CTR9: variants seen among roughly 807,000 people sequenced by gnomAD.
CTR9 encodes RNA polymerase-associated protein CTR9 homolog.
CTR9 carries 41 observed loss-of-function variants against 152.1 expected under a neutral mutation model. The ratio of observed to expected loss-of-function variants is 0.27; its 90% CI spans 0.21 to 0.35. The LOEUF (loss-of-function observed/expected upper bound fraction) is 0.35. CTR9 is among the 10% of genes least tolerant of loss of function. The probability of loss-of-function intolerance (pLI) is 1.00; values close to 1 mark genes in which losing one functional copy is unlikely to be tolerated. For missense variants in CTR9, 917 were observed against 1,424.4 expected, an observed-to-expected ratio of 0.64 and a Z score of 5.73; for synonymous variants, 476 against 496.2, an observed-to-expected ratio of 0.96 and a Z score of 0.54.
chr11:10,754,385 G>T (rs1862852353), intron 2 of CTR9, among the ~76,000 whole-genome samples: 1 of 152,096 alleles, frequency 6.6e-6, no homozygotes, highest in Admixed American at 6.5e-5. Flanking sequence ...TGGGAACATT[G>T]TGAATGATTC....
At chr11:10,777,289 T>C (rs1010447900) in intron 24 of CTR9, among the ~76,000 whole-genome samples, 2 of 151,582 alleles carry the variant, frequency 1.3e-5, no homozygotes, top group African/African-American at 4.9e-5. Context: ...CCCAGCACTT[T>C]GGGAGGCTGA....
Position 10,767,977 on chromosome 11 carries a change from C to T in CTR9, c.1858C>T (p.Arg620Ter), listed in dbSNP as rs778066404. ...VWLQTLHQPT[R>*]DREKEKRHQD... ...GCTCCAAACTTTACATCAGCCCACC[C>T]GAGATCGAGAAAAGGTAATCTCTTT... The change falls in exon 14 of 25, where the codon CGA (arginine) becomes TGA (stop). Residue 620 changes from arginine (R) to a stop codon, truncating the protein, a stop_gained. Coordinates refer to ENST00000361367, the MANE Select transcript of CTR9 (RefSeq NM_014633.5). LOFTEE classifies it high-confidence loss of function. This position sits in a 1 kb window ranked among gnomAD's most constrained non-coding sequence, Gnocchi z 4.0. The T allele has an allele frequency of 6.2e-7, 1 of 1,613,918 alleles. No individual in the cohort carries two copies. The highest frequency in any genetic ancestry group is 8.5e-7 in the Non-Finnish European group (1 of 1,179,874).
At chr11:10,762,503 A>G (rs1447024511) in intron 7 of CTR9, among the ~76,000 whole-genome samples, 2 of 152,230 alleles carry the variant, frequency 1.3e-5, no homozygotes, top group Non-Finnish European at 1.5e-5. Context: ...AAAGGGAAAG[A>G]CACACAAATC....
chr11:10,774,344 G>C, intron 22 of CTR9, 175 bp downstream of exon 22: 1 of 639,312 alleles, frequency 1.6e-6, no homozygotes, highest in Non-Finnish European at 2.5e-6. Flanking sequence ...AATCCACTGA[G>C]TACCTGGGAT....
chr11:10,754,482 T>C (rs976436336), intron 2 of CTR9, among the ~76,000 whole-genome samples: 1 of 152,196 alleles, frequency 6.6e-6, no homozygotes, highest in Non-Finnish European at 1.5e-5. Flanking sequence ...AGTTTTATCA[T>C]CTGTATATAC....
intron 2 of CTR9, among the ~76,000 whole-genome samples, chr11:10,754,134 A>G (rs1862848143): frequency 6.6e-6 from 1 of 152,198 alleles, no homozygotes; most frequent in Non-Finnish European, 1.5e-5. Context: ...CAGCATCCCA[A>G]GTAGTAGATT....
chr11:10,759,308 G>A (rs1325090683), intron 5 of CTR9, among the ~76,000 whole-genome samples: 1 of 152,236 alleles, frequency 6.6e-6, no homozygotes, highest in East Asian at 1.9e-4. Context: ...TCCAGAAGAA[G>A]ATGATGACCA....
In CTR9 at chr11:10,772,619, A is replaced by G. The variant is rs1280534742; in HGVS notation, c.2544A>G (p.Glu848=). ...AGCTGCGGGCCAAGCAAGAGCAAGA[A>G]AAGGAGCTGTTAAGGCAGAAACTTC... The part of the protein sequence containing the change: ...ERELRAKQEQ[E]KELLRQKLLK... The change falls in exon 20 of 25, where the codon GAA becomes GAG. Residue 848 remains glutamate, a synonymous_variant. Transcript: ENST00000361367. 1 of 1,609,478 alleles carries G rather than the reference A, an allele frequency of 6.2e-7. No individual in the cohort carries two copies. The highest frequency in any genetic ancestry group is 1.7e-5 in the Admixed American group (1 of 58,906).
At chr11:10,771,328 C>T (rs1863139966) in intron 18 of CTR9, among the ~76,000 whole-genome samples, 1 of 152,102 alleles carries the variant, frequency 6.6e-6, no homozygotes, top group Admixed American at 6.5e-5. Context: ...GCTTGAATTG[C>T]TTTGTGGTTA....
At chr11:10,774,283 C>A in intron 22 of CTR9, 114 bp downstream of exon 22, 1 of 1,291,660 alleles carries the variant, frequency 7.7e-7, no homozygotes, top group Non-Finnish European at 1.0e-6. Flanking sequence ...AACAGTGAAG[C>A]TTTTTGTGCC....
chr11:10,776,747 C>T (rs1207044700), intron 24 of CTR9, among the ~76,000 whole-genome samples: 5 of 151,960 alleles, frequency 3.3e-5, no homozygotes, highest in South Asian at 4.2e-4. Context: ...CCAACGTGGG[C>T]GGATCACTTG....
At position 10,751,364 on chromosome 11, in the gene CTR9, C is replaced by G; in HGVS notation, c.-49C>G. ...TGGATTAGCCTGAAGCGGAGACTAC[C>G]GGCTGCGGAGCGGCGGGGCGAGACA... is the stretch of plus-strand genomic sequence containing the variant. On this transcript the variant is annotated 5_prime_UTR_variant, in exon 1 of 25. Transcript: ENST00000361367. 2 of 1,602,842 alleles carry G rather than the reference C, an allele frequency of 1.2e-6. No homozygotes were observed. The highest frequency in any genetic ancestry group is 1.7e-6 in the Non-Finnish European group (2 of 1,171,196).
chr11:10,765,004 C>T (rs1237990782), intron 12 of CTR9, among the ~76,000 whole-genome samples: 1 of 152,172 alleles, frequency 6.6e-6, no homozygotes, highest in African/African-American at 2.4e-5. Context: ...TTAACAACTC[C>T]TTGGCATATC....
chr11:10,772,713 T>G (rs953489235), intron 20 of CTR9, 58 bp downstream of exon 20: 1 of 1,457,708 alleles, frequency 6.9e-7, no homozygotes, highest in Non-Finnish European at 9.1e-7. Context: ...GCATACACTT[T>G]GTATGTTTAA....
At position 10,751,330 on chromosome 11, in the gene CTR9, A is replaced by G; in HGVS notation, c.-83A>G. Reference sequence around the variant, plus strand: ...AGTCAAGACCAGAGCCGGAGCCGTCACTCACCTCTGGATTAGCCTGAAGCG... The same window carrying G: ...AGTCAAGACCAGAGCCGGAGCCGTCGCTCACCTCTGGATTAGCCTGAAGCG... On this transcript the variant is annotated 5_prime_UTR_variant, in exon 1 of 25. Transcript: ENST00000361367. 6.9e-7 allele frequency: 1 copy of G among 1,443,754 alleles called. No homozygotes were observed. Among genetic ancestry groups the G allele is most frequent in the Non-Finnish European group, 9.7e-7 (1 of 1,030,108 alleles). The allele number at this position is 1,443,754 out of a possible 1,614,324, so 89.4% of individuals were successfully genotyped here. A position where few individuals can be genotyped will look rare whatever the true frequency, so the allele number is the denominator to read the frequency against.
At chr11:10,771,639 G>A in intron 19 of CTR9, 23 bp downstream of exon 19, 1 of 1,549,456 alleles carries the variant, frequency 6.5e-7, no homozygotes, top group South Asian at 1.1e-5. Context: ...TTTATGGAAG[G>A]TGACTTTGGG....
In CTR9 at chr11:10,773,335, G is replaced by T. The variant is rs1026548968; in HGVS notation, c.2727+62G>T. 5.1e-6 allele frequency: 8 copies of T among 1,575,908 alleles called. No individual in the cohort carries two copies. In the Admixed American group the frequency reaches 1.0e-4, roughly 20 times the overall value. ...TCTCTGTCTTTTGGCTTTGAGAAAT[G>T]AGGATAATTGGTTAAATTCCTTCTG... On this transcript the variant is annotated intron_variant, in intron 21 of 24. Coordinates refer to ENST00000361367, the MANE Select transcript of CTR9 (RefSeq NM_014633.5).
At chr11:10,757,815 C>T (rs1862910319) in intron 5 of CTR9, among the ~76,000 whole-genome samples, 1 of 151,940 alleles carries the variant, frequency 6.6e-6, no homozygotes, top group Non-Finnish European at 1.5e-5. Context: ...TGTAAGCTAC[C>T]AGTAAGAGCC....
intron 7 of CTR9, among the ~76,000 whole-genome samples, chr11:10,762,463 G>T (rs185038917): frequency 6.6e-6 from 1 of 152,288 alleles, no homozygotes; most frequent in East Asian, 1.9e-4. Flanking sequence ...TTTGAACTAG[G>T]TTTTTAGGAA....
Sources: allele counts gnomAD v4.1 joint callset (sites outside exome capture counted in the v4.1 genomes callset), GRCh38; gene constraint gnomAD v4.1.1; non-coding constraint Gnocchi (gnomAD v3.1); transcripts MANE v1.5; gene names NCBI Gene and HGNC (gene_info 2026-07-23, HGNC 2026-07-21).